The following NAALADL2 variants were observed in gnomAD, a reference collection of about 807,000 sequenced individuals.
NAALADL2 encodes N-acetylated alpha-linked acidic dipeptidase like 2.
In NAALADL2, 76 loss-of-function variants were observed where a neutral mutation model predicts 87.2. The observed-to-expected ratio is 0.87, with a 90% CI of 0.72 to 1.05. The LOEUF (loss-of-function observed/expected upper bound fraction) is 1.05. NAALADL2 is among the 50% of genes least tolerant of loss of function. The pLI is 0.00. For synonymous variants in NAALADL2, 354 were observed against 331.0 expected, an observed-to-expected ratio of 1.07 and a Z score of -0.75; for missense variants, 1,089 against 945.8, an observed-to-expected ratio of 1.15 and a Z score of -1.99.
At chr3:174,906,194 C>T (rs1732935053) in intron 1 of NAALADL2, among the ~76,000 whole-genome samples, 5 of 151,960 alleles carry the variant, frequency 3.3e-5, no homozygotes, top group Non-Finnish European at 7.4e-5. Flanking sequence ...ATAAAAGAAA[C>T]AAGAAGGTTT....
chr3:175,417,675 T>C (rs1057309934), intron 5 of NAALADL2, among the ~76,000 whole-genome samples: 1 of 152,208 alleles, frequency 6.6e-6, no homozygotes, highest in Non-Finnish European at 1.5e-5. Context: ...AGGAAACATA[T>C]GTAAAATAAG....
chr3:175,204,785 T>G (rs2109192659), intron 2 of NAALADL2, among the ~76,000 whole-genome samples: 1 of 152,226 alleles, frequency 6.6e-6, no homozygotes, highest in Non-Finnish European at 1.5e-5. Flanking sequence ...TCAGCACCTC[T>G]TTTATACACC....
chr3:174,660,810 A>G (rs1578459412), intron 2 of NAALADL2, among the ~76,000 whole-genome samples: 1 of 152,168 alleles, frequency 6.6e-6, no homozygotes, highest in Non-Finnish European at 1.5e-5. Flanking sequence ...AGGAAGGGCA[A>G]TAATATTTTG....
chr3:175,167,704 T>C (rs1381123), intron 2 of NAALADL2, among the ~76,000 whole-genome samples: 127,387 of 151,958 alleles, frequency 0.84, 53,664 homozygotes, highest in East Asian at 0.93. Flanking sequence ...TTCTTAAACC[T>C]TGAACAATAT....
intron 11 of NAALADL2, among the ~76,000 whole-genome samples, chr3:175,692,812 C>A (rs1440127900): frequency 4.0e-5 from 6 of 151,894 alleles, no homozygotes; most frequent in African/African-American, 9.7e-5. Context: ...GATTTTTTTT[C>A]CATCAGTCTT....
At chr3:174,480,312 T>C (rs1185715840) in intron 1 of NAALADL2, among the ~76,000 whole-genome samples, 2 of 152,104 alleles carry the variant, frequency 1.3e-5, no homozygotes, top group Non-Finnish European at 2.9e-5. Context: ...TGCCTTGATG[T>C]GCGTTTCTTG....
chr3:175,667,528 TG>T (rs1733358812), intron 11 of NAALADL2, among the ~76,000 whole-genome samples: 1 of 152,162 alleles, frequency 6.6e-6, no homozygotes, highest in African/African-American at 2.4e-5. Flanking sequence ...ATTATTCTCT[TG>T]TTTCTTTGAG....
At chr3:175,723,781 A>T (rs1216156400) in intron 11 of NAALADL2, among the ~76,000 whole-genome samples, 1 of 152,054 alleles carries the variant, frequency 6.6e-6, no homozygotes, top group African/African-American at 2.4e-5. Flanking sequence ...AAATCCTTCC[A>T]TCAAGACTGA....
chr3:174,497,256 A>G (rs1195965659), intron 1 of NAALADL2, among the ~76,000 whole-genome samples: 2 of 152,108 alleles, frequency 1.3e-5, no homozygotes, highest in African/African-American at 4.8e-5. Flanking sequence ...CACTGGGGTC[A>G]GAGGAAGAAC....
chr3:175,762,190 C>G (rs199669696), intron 13 of NAALADL2, among the ~76,000 whole-genome samples: 1 of 12,194 alleles, frequency 8.2e-5, no homozygotes, highest in Non-Finnish European at 1.4e-4. Flanking sequence ...GTCTGTGTTT[C>G]GATTTTTTTT....
intron 1 of NAALADL2, among the ~76,000 whole-genome samples, chr3:174,892,396 A>G (rs1164125591): frequency 6.6e-6 from 1 of 152,186 alleles, no homozygotes; most frequent in African/African-American, 2.4e-5. Flanking sequence ...AAAAAGAATG[A>G]AGCAGCAATT....
intron 2 of NAALADL2, among the ~76,000 whole-genome samples, chr3:174,633,735 G>T (rs565651917): frequency 1.3e-5 from 2 of 152,138 alleles, no homozygotes; most frequent in Non-Finnish European, 2.9e-5. Flanking sequence ...TAGATTTGAT[G>T]TGATGTGATT....
chr3:175,575,516 C>T (rs1176043386), intron 9 of NAALADL2, among the ~76,000 whole-genome samples: 1 of 152,016 alleles, frequency 6.6e-6, no homozygotes, highest in Non-Finnish European at 1.5e-5. Context: ...AACTGCTAAC[C>T]TCAGGTGACC....
intron 3 of NAALADL2, among the ~76,000 whole-genome samples, chr3:174,821,295 A>C (rs894521788): frequency 6.6e-6 from 1 of 152,172 alleles, no homozygotes. Context: ...CATTTATACT[A>C]ATACGGATGA....
At chr3:174,590,363 C>T (rs1717230773) in intron 2 of NAALADL2, among the ~76,000 whole-genome samples, 2 of 151,970 alleles carry the variant, frequency 1.3e-5, no homozygotes, top group South Asian at 4.1e-4. Flanking sequence ...AGCATCTATG[C>T]AATACATAAT....
At chr3:174,790,926 C>T (rs1368685342) in intron 3 of NAALADL2, among the ~76,000 whole-genome samples, 1 of 152,060 alleles carries the variant, frequency 6.6e-6, no homozygotes, top group African/African-American at 2.4e-5. Flanking sequence ...AACAAAAATA[C>T]AATCGGAAGA....
chr3:174,539,853 A>C (rs1722056690), intron 1 of NAALADL2, among the ~76,000 whole-genome samples: 1 of 151,958 alleles, frequency 6.6e-6, no homozygotes, highest in Admixed American at 6.6e-5. Flanking sequence ...TCAAGCAATA[A>C]AGAAAACATG....
intron 4 of NAALADL2, among the ~76,000 whole-genome samples, chr3:175,280,374 A>C (rs1032246466): frequency 3.3e-5 from 5 of 152,130 alleles, no homozygotes; most frequent in African/African-American, 1.2e-4. Context: ...CCTTAAAACC[A>C]TTAAAGATTT....
intron 2 of NAALADL2, among the ~76,000 whole-genome samples, chr3:174,697,349 T>C (rs1241015940): frequency 6.6e-6 from 1 of 152,164 alleles, no homozygotes. Flanking sequence ...CTTAAACGTT[T>C]CCTATGCCTG....
Sources: allele counts gnomAD v4.1 joint callset (sites outside exome capture counted in the v4.1 genomes callset), GRCh38; gene constraint gnomAD v4.1.1; transcripts MANE v1.5; gene names NCBI Gene and HGNC (gene_info 2026-07-23, HGNC 2026-07-21).